Variants in PITPNM2 observed in about 807,000 individuals in gnomAD.
PITPNM2 encodes phosphatidylinositol transfer protein membrane associated 2.
PITPNM2 carries 35 observed loss-of-function variants against 132.2 expected under a neutral mutation model. The observed-to-expected ratio is 0.26, with a 90% CI of 0.20 to 0.35. The LOEUF (loss-of-function observed/expected upper bound fraction) is 0.35. PITPNM2 is among the 10% of genes least tolerant of loss of function. The probability of loss-of-function intolerance (pLI) is 1.00; values close to 1 mark genes in which losing one functional copy is unlikely to be tolerated. For missense variants in PITPNM2, 1,332 were observed against 1,912.0 expected, an observed-to-expected ratio of 0.70 and a Z score of 5.66; for synonymous variants, 738 against 799.2, an observed-to-expected ratio of 0.92 and a Z score of 1.29.
chr12:123,144,382 T>C (rs1288116829), intron 1 of PITPNM2, among the ~76,000 whole-genome samples: 1 of 152,218 alleles, frequency 6.6e-6, no homozygotes, highest in Non-Finnish European at 1.5e-5. Flanking sequence ...ACAGTGTTGA[T>C]GGCCAGGAGT....
rs768632907 is a variant in PITPNM2 at position 123,005,338 on chromosome 12, G to A, written c.854C>T (p.Pro285Leu). The change falls in exon 7 of 26, where the codon CCG becomes CTG. Residue 285 changes from proline to leucine, a missense_variant. Around this residue, in one of 6 missense-constraint regions of PITPNM2, gnomAD observed 710 missense variants for 911.5 expected, o/e 0.78. Transcript: ENST00000320201. The surrounding 1 kb of genome is among the most constrained non-coding windows in gnomAD (Gnocchi z 6.2). Reference protein sequence around the residue: ...AVSDQTSGEPPEPSSSNGEPL... With the variant: ...AVSDQTSGEPLEPSSSNGEPL... The stretch of plus-strand genomic sequence containing the variant: ...CTCCCCATTGCTGCTGCTGGGCTCC[G>A]GGGGCTCCCCAGAGGTCTGGTCCGA... 20 of 1,614,056 alleles carry A rather than the reference G, an allele frequency of 1.2e-5. 1 individual carries two copies. The Admixed American group carries it at 1.7e-4, about 13-fold the overall frequency.
rs1298482809 is a variant in PITPNM2, at chr12:122,984,272, C to T, written c.*1755G>A. 6.6e-6 allele frequency: 1 copy of T among 152,642 alleles called. No individual in the cohort carries two copies. The highest frequency in any genetic ancestry group is 2.4e-5 in the African/African-American group (1 of 41,458). The allele number at this position is 152,642 out of a possible 1,614,324, so 9.5% of individuals were successfully genotyped here. On this transcript the variant is annotated 3_prime_UTR_variant, in exon 26 of 26. Coordinates refer to ENST00000320201, the MANE Select transcript of PITPNM2 (RefSeq NM_020845.3). ...GTGCTTCTCTGGATGGCTGGTCTCC[C>T]AGGCAGCAGGCAAGACAGGATAAGG...
chr12:123,032,890 G>A (rs763834890), intron 3 of PITPNM2, among the ~76,000 whole-genome samples: 4 of 152,184 alleles, frequency 2.6e-5, no homozygotes, highest in Non-Finnish European at 5.9e-5. Flanking sequence ...CGGAGAGGCT[G>A]GGTTCACCTT....
chr12:123,151,321 G>A (rs957538768), upstream of PITPNM2, among the ~76,000 whole-genome samples: 3 of 151,726 alleles, frequency 2.0e-5, no homozygotes, highest in Non-Finnish European at 4.4e-5. Flanking sequence ...CAGGGCCCGG[G>A]ACTGGACTCG....
rs769723218 is a variant in PITPNM2 at position 123,008,282 on chromosome 12, G to A, written c.643+1568C>T. Among the ~76,000 whole-genome samples, 4 of 152,220 alleles carry A rather than the reference G, an allele frequency of 2.6e-5. No homozygotes were observed. Among genetic ancestry groups the A allele is most frequent in the Non-Finnish European group, 4.4e-5 (3 of 68,038 alleles). ...AGGGAGAGCCAAGCAGACCCACAGAGCCAGAGTGCCAGGAGCTGCAGCCTT... is the reference window on the plus strand; with the variant it reads ...AGGGAGAGCCAAGCAGACCCACAGAACCAGAGTGCCAGGAGCTGCAGCCTT... On this transcript the variant is annotated intron_variant, in intron 6 of 25. Coordinates refer to ENST00000320201, the MANE Select transcript of PITPNM2 (RefSeq NM_020845.3). The surrounding 1 kb of genome is among the most constrained non-coding windows in gnomAD (Gnocchi z 4.1).
chr12:123,148,366 T>A (rs919304191), intron 1 of PITPNM2, among the ~76,000 whole-genome samples: 1 of 152,178 alleles, frequency 6.6e-6, no homozygotes, highest in African/African-American at 2.4e-5. Context: ...CCAAAGACAC[T>A]GGAGCAATAC....
At chr12:122,989,701 G>T in intron 18 of PITPNM2, 86 bp downstream of exon 18, 1 of 1,249,526 alleles carries the variant, frequency 8.0e-7, no homozygotes, top group Non-Finnish European at 1.0e-6. Flanking sequence ...AGGCCGAAGC[G>T]GGGGTCTAGG....
intron 18 of PITPNM2, 56 bp downstream of exon 18, chr12:122,989,730 GA>G: frequency 1.8e-5 from 24 of 1,328,944 alleles, no homozygotes; most frequent in Non-Finnish European, 2.3e-5. Flanking sequence ...GCCTGGCAGT[GA>G]GGGGTGCTCA....
chr12:123,068,372 T>C (rs915164458), intron 2 of PITPNM2, among the ~76,000 whole-genome samples: 4 of 151,200 alleles, frequency 2.6e-5, no homozygotes, highest in Non-Finnish European at 5.9e-5. Flanking sequence ...GGCGTGAACC[T>C]GGGAGGCGGA....
intron 1 of PITPNM2, among the ~76,000 whole-genome samples, chr12:123,148,382 CGCTT>C (rs1434429857): frequency 6.6e-6 from 1 of 152,170 alleles, no homozygotes; most frequent in Non-Finnish European, 1.5e-5. Context: ...AATACCACTA[CGCTT>C]ACATTAAAGA....
chr12:123,045,300 T>G (rs2040617572), intron 2 of PITPNM2, among the ~76,000 whole-genome samples: 2 of 152,226 alleles, frequency 1.3e-5, no homozygotes. Flanking sequence ...CTCCTCAAGC[T>G]TAGCTATACT....
chr12:123,139,574 G>A (rs2137643488), intron 1 of PITPNM2, among the ~76,000 whole-genome samples: 1 of 151,428 alleles, frequency 6.6e-6, no homozygotes. Flanking sequence ...CTCACCTGGT[G>A]CCTCTCTTTT....
chr12:123,029,585 CA>C (rs1255691486), intron 3 of PITPNM2, among the ~76,000 whole-genome samples: 2 of 151,988 alleles, frequency 1.3e-5, no homozygotes, highest in African/African-American at 4.8e-5. Flanking sequence ...GACTTCATCT[CA>C]AAAAAACAGA....
chr12:123,053,712 C>T (rs2040934631), intron 2 of PITPNM2, among the ~76,000 whole-genome samples: 1 of 152,110 alleles, frequency 6.6e-6, no homozygotes, highest in Non-Finnish European at 1.5e-5. Flanking sequence ...GGATTACAGG[C>T]ATGTGCCACC....
intron 1 of PITPNM2, among the ~76,000 whole-genome samples, chr12:123,139,865 G>A (rs1011317941): frequency 6.6e-6 from 1 of 152,126 alleles, no homozygotes; most frequent in Non-Finnish European, 1.5e-5. Flanking sequence ...ACTTTTCCAG[G>A]TATGACTTAT....
chr12:122,997,499 G>C lies in PITPNM2; in HGVS notation c.1298C>G (p.Thr433Ser). Reference protein sequence around the residue: ...HVLLLVLHGGTILDTGAGDPS... With the variant: ...HVLLLVLHGGSILDTGAGDPS... ...GTCCCCGGCGCCTGTGTCCAGGATG[G>C]TGCCTCCGTGCAGCACCAGTAGCAG... The change falls in exon 11 of 26, where the codon ACC becomes AGC. Residue 433 changes from threonine to serine, a missense_variant. By Grantham distance (58) the Thr-to-Ser change is moderately conservative. Coordinates refer to ENST00000320201, the MANE Select transcript of PITPNM2 (RefSeq NM_020845.3). The C allele has an allele frequency of 1.2e-6, 2 of 1,613,528 alleles. No individual in the cohort carries two copies. Among genetic ancestry groups the C allele is most frequent in the Non-Finnish European group, 1.7e-6 (2 of 1,180,016 alleles).
intron 16 of PITPNM2, among the ~76,000 whole-genome samples, chr12:122,991,419 C>G (rs2038179983): frequency 6.6e-6 from 1 of 152,194 alleles, no homozygotes; most frequent in Non-Finnish European, 1.5e-5. Context: ...GAAGCTTCCC[C>G]AGGTGAGGGG....
rs1378923644 is a variant in PITPNM2, at chr12:123,031,888, GA to G, written c.78+2624del. ...TCTGGAAGCTCAGAGGAGCAGCAAT[GA>G]CTCCAGCTAGCCCTTAGAGGCCACA... On this transcript the variant is annotated intron_variant, in intron 3 of 25. Coordinates refer to ENST00000320201, the MANE Select transcript of PITPNM2 (RefSeq NM_020845.3). The surrounding 1 kb of genome is among the most constrained non-coding windows in gnomAD (Gnocchi z 4.5). Among the ~76,000 whole-genome samples, 2 of 152,236 alleles carry G rather than the reference GA, an allele frequency of 1.3e-5. No individual in the cohort carries two copies. Among genetic ancestry groups the G allele is most frequent in the Middle Eastern group, 6.3e-3 (2 of 316 alleles).
chr12:123,040,277 G>C (rs905744029), intron 2 of PITPNM2, among the ~76,000 whole-genome samples: 4 of 152,160 alleles, frequency 2.6e-5, no homozygotes, highest in African/African-American at 9.7e-5. Flanking sequence ...GTTTCTATTT[G>C]GGTGATAAAA....
Sources: allele counts gnomAD v4.1 joint callset (sites outside exome capture counted in the v4.1 genomes callset), GRCh38; gene constraint gnomAD v4.1.1; regional missense constraint gnomAD v4.1.1; non-coding constraint Gnocchi (gnomAD v3.1); transcripts MANE v1.5; gene names NCBI Gene and HGNC (gene_info 2026-07-23, HGNC 2026-07-21).